ZNF804B: variants seen among roughly 807,000 people sequenced by gnomAD.
ZNF804B encodes the protein zinc finger 804B.
Under a neutral mutation model 101.4 loss-of-function variants are expected in ZNF804B, and 80 were observed. The ratio of observed to expected loss-of-function variants is 0.79; its 90% CI spans 0.66 to 0.95. ZNF804B has a LOEUF of 0.95. Among genes scored for constraint, ZNF804B ranks in the 40% least tolerant of loss-of-function variants. The probability of loss-of-function intolerance (pLI) is 0.00; values close to 1 mark genes in which losing one functional copy is unlikely to be tolerated. For synonymous variants in ZNF804B, 622 were observed against 558.8 expected (o/e 1.11, Z -1.59); for missense variants, 1,673 against 1,561.9 (o/e 1.07, Z -1.20).
chr7:89,292,041 G>A (rs1584108608), intron 2 of ZNF804B, among the ~76,000 whole-genome samples: 1 of 151,974 alleles, frequency 6.6e-6, no homozygotes, highest in Non-Finnish European at 1.5e-5. Context: ...AAAATTCCTA[G>A]TGAAAAAAAT....
chr7:88,807,324 A>T (rs1241042208), intron 1 of ZNF804B, among the ~76,000 whole-genome samples: 1 of 152,200 alleles, frequency 6.6e-6, no homozygotes, highest in African/African-American at 2.4e-5. Context: ...AAAAGAACAA[A>T]AATAAGTTTA....
intron 1 of ZNF804B, among the ~76,000 whole-genome samples, chr7:88,782,282 A>G (rs1353939231): frequency 6.6e-6 from 1 of 152,086 alleles, no homozygotes; most frequent in Non-Finnish European, 1.5e-5. Flanking sequence ...GAAGGAGATC[A>G]GAGGAGGGAC....
intron 1 of ZNF804B, among the ~76,000 whole-genome samples, chr7:89,188,874 A>C (rs1244998927): frequency 1.3e-5 from 2 of 152,150 alleles, no homozygotes; most frequent in East Asian, 3.9e-4. Context: ...TAAAGAAAGA[A>C]GCCATCTCTA....
At chr7:89,260,436 TG>T (rs1562930301) in intron 2 of ZNF804B, among the ~76,000 whole-genome samples, 1 of 152,184 alleles carries the variant, frequency 6.6e-6, no homozygotes, top group Non-Finnish European at 1.5e-5. Context: ...TAATGGGATC[TG>T]GGAATTTTGC....
intron 1 of ZNF804B, among the ~76,000 whole-genome samples, chr7:89,029,934 C>A (rs372827282): frequency 6.6e-6 from 1 of 151,944 alleles, no homozygotes; most frequent in Non-Finnish European, 1.5e-5. Context: ...TCTGTTTTGA[C>A]GTAAAAATCT....
chr7:89,075,001 G>T (rs1789594102), intron 1 of ZNF804B, among the ~76,000 whole-genome samples: 1 of 152,116 alleles, frequency 6.6e-6, no homozygotes. Flanking sequence ...AGATGATTTA[G>T]GGTATCTGGC....
chr7:89,278,668 T>C (rs1187665578), intron 2 of ZNF804B, among the ~76,000 whole-genome samples: 12 of 150,652 alleles, frequency 8.0e-5, no homozygotes, highest in South Asian at 4.2e-4. Flanking sequence ...TGTAGATATG[T>C]GGCGTTATTT....
At chr7:88,841,794 A>G (rs1277408543) in intron 1 of ZNF804B, among the ~76,000 whole-genome samples, 2 of 152,186 alleles carry the variant, frequency 1.3e-5, no homozygotes, top group Non-Finnish European at 1.5e-5. Flanking sequence ...AATAAACATT[A>G]TAAGCGTCAC....
intron 2 of ZNF804B, among the ~76,000 whole-genome samples, chr7:89,269,527 T>C (rs922933395): frequency 6.6e-6 from 1 of 152,206 alleles, no homozygotes; most frequent in African/African-American, 2.4e-5. Context: ...TAAACATATA[T>C]GTGCATGTGT....
At chr7:88,790,139 T>C (rs1586903220) in intron 1 of ZNF804B, among the ~76,000 whole-genome samples, 2 of 152,126 alleles carry the variant, frequency 1.3e-5, no homozygotes, top group African/African-American at 4.8e-5. Flanking sequence ...TGGCTTTATA[T>C]ATATGTTCGC....
chr7:89,127,588 A>G (rs2116374806), intron 1 of ZNF804B, among the ~76,000 whole-genome samples: 1 of 151,862 alleles, frequency 6.6e-6, no homozygotes. Flanking sequence ...CTGGATCTCT[A>G]AGGAAGTAGT....
At chr7:89,257,136 A>G (rs1789643398) in intron 2 of ZNF804B, among the ~76,000 whole-genome samples, 1 of 152,084 alleles carries the variant, frequency 6.6e-6, no homozygotes, top group African/African-American at 2.4e-5. Context: ...ATCTGTGCTG[A>G]GTTTAATTAA....
At chr7:89,019,104 G>T (rs1449996450) in intron 1 of ZNF804B, among the ~76,000 whole-genome samples, 1 of 151,862 alleles carries the variant, frequency 6.6e-6, no homozygotes, top group Non-Finnish European at 1.5e-5. Context: ...CTACTTTATT[G>T]ATGCAGGCAT....
At chr7:88,899,232 T>C (rs559991022) in intron 1 of ZNF804B, among the ~76,000 whole-genome samples, 1 of 152,300 alleles carries the variant, frequency 6.6e-6, no homozygotes, top group South Asian at 2.1e-4. Context: ...TTCTTACACT[T>C]CTTATGCACA....
intron 1 of ZNF804B, among the ~76,000 whole-genome samples, chr7:88,810,156 T>C (rs1043445639): frequency 6.6e-6 from 1 of 152,156 alleles, no homozygotes; most frequent in Non-Finnish European, 1.5e-5. Flanking sequence ...TAATGAGTTT[T>C]AGTTAACAGG....
intron 2 of ZNF804B, among the ~76,000 whole-genome samples, chr7:89,286,664 C>G (rs1790203031): frequency 6.6e-6 from 1 of 152,000 alleles, no homozygotes; most frequent in East Asian, 1.9e-4. Flanking sequence ...TAATGCTGGA[C>G]AATGAGGAAG....
In ZNF804B at chr7:89,237,856, CCAGA is replaced by C. The variant is rs546371160; in HGVS notation, c.249+19566_249+19569del. ...TTGCTTTATTCCAGATACTCACAATCCAGACAGAGAGATAATAAACACAAAAGTA... is the reference window on the plus strand; with the variant it reads ...TTGCTTTATTCCAGATACTCACAATCCAGAGAGATAATAAACACAAAAGTA... On this transcript the variant is annotated intron_variant, in intron 2 of 3. Coordinates refer to ENST00000333190, the MANE Select transcript of ZNF804B (RefSeq NM_181646.5). Among the ~76,000 whole-genome samples the C allele has an allele frequency of 8.5e-5, 13 of 152,222 alleles. No individual in the cohort carries two copies. The South Asian group carries it at 2.7e-3, about 32-fold the overall frequency.
At chr7:89,277,106 A>G (rs1196785082) in intron 2 of ZNF804B, among the ~76,000 whole-genome samples, 1 of 148,576 alleles carries the variant, frequency 6.7e-6, no homozygotes, top group African/African-American at 2.5e-5. Context: ...ACAAATATTT[A>G]TTATATATAA....
At chr7:89,146,652 G>C (rs1429847517) in intron 1 of ZNF804B, among the ~76,000 whole-genome samples, 1 of 152,062 alleles carries the variant, frequency 6.6e-6, no homozygotes, top group East Asian at 1.9e-4. Flanking sequence ...AACTGTAAAT[G>C]AGATAGAACT....
Sources: gnomAD v4.1 joint callset for allele counts (sites outside exome capture counted in the v4.1 genomes callset) on GRCh38, gnomAD v4.1.1 for gene constraint, MANE v1.5 for transcripts, NCBI Gene and HGNC (gene_info 2026-07-23, HGNC 2026-07-21) for gene names.